The following DYSF variants were observed in gnomAD, a reference collection of about 807,000 sequenced individuals.
DYSF encodes the protein dysferlin.
DYSF carries 212 observed loss-of-function variants against 274.9 expected under a neutral mutation model. That is an observed-to-expected ratio of 0.77 (90% CI 0.69 to 0.86). The LOEUF is 0.86. Ranked by LOEUF, DYSF falls within the 40% of genes least tolerant of loss-of-function variation. The pLI is 0.00. For synonymous variants in DYSF, 1,091 were observed against 1,078.7 expected, an observed-to-expected ratio of 1.01 and a Z score of -0.22; for missense variants, 2,666 against 2,783.2, an observed-to-expected ratio of 0.96 and a Z score of 0.95.
intron 24 of DYSF, among the ~76,000 whole-genome samples, chr2:71,564,522 C>T (rs1355960339): frequency 2.0e-5 from 3 of 152,166 alleles, no homozygotes; most frequent in African/African-American, 7.2e-5. Flanking sequence ...GTTTGTCCTT[C>T]CAGGCAGGTC....
intron 29 of DYSF, among the ~76,000 whole-genome samples, chr2:71,572,316 G>T (rs993689926): frequency 1.9e-5 from 1 of 51,962 alleles, no homozygotes; most frequent in Non-Finnish European, 3.9e-5. Context: ...CCAGCACACA[G>T]AAATCACACC....
At chr2:71,575,645 G>C (rs76454671) in intron 30 of DYSF, among the ~76,000 whole-genome samples, 1,942 of 152,240 alleles carry the variant, frequency 0.013, 38 homozygotes, top group African/African-American at 0.044. Flanking sequence ...TGCGGCTCTA[G>C]CTGAGGGGTG....
chr2:71,642,296 G>A (rs187583115), intron 41 of DYSF, among the ~76,000 whole-genome samples: 4 of 152,310 alleles, frequency 2.6e-5, no homozygotes, highest in Admixed American at 6.5e-5. Flanking sequence ...CTGTGTGCCA[G>A]TATGTGCAGT....
At chr2:71,637,896 C>T (rs79397961) in intron 41 of DYSF, among the ~76,000 whole-genome samples, 3 of 152,042 alleles carry the variant, frequency 2.0e-5, no homozygotes, top group East Asian at 1.9e-4. Context: ...GGATGCAGGA[C>T]GAAAATGGGG....
intron 12 of DYSF, among the ~76,000 whole-genome samples, chr2:71,523,218 G>A (rs1025709105): frequency 6.6e-6 from 1 of 152,180 alleles, no homozygotes. Context: ...CACCATGTCT[G>A]TATTCCAGCC....
In DYSF at chr2:71,682,517, ATC is replaced by A. The variant is rs773214793; in HGVS notation, c.6174-10_6174-9del. ...AAAGGATGCCCAGTTGACCTCCGGG[ATC>A]TCGCTTCCAGGCGCCCCGACACCTC... On this transcript the variant is annotated splice_polypyrimidine_tract_variant and intron_variant, in intron 54 of 55. Coordinates refer to ENST00000410020, the MANE Select transcript of DYSF (RefSeq NM_001130987.2). 1 of 1,614,002 alleles carries A rather than the reference ATC, an allele frequency of 6.2e-7. No individual in the cohort carries two copies. The highest frequency in any genetic ancestry group is 1.1e-5 in the South Asian group (1 of 91,058).
intron 26 of DYSF, 25 bp downstream of exon 26, chr2:71,568,363 G>A (rs1198300725): frequency 1.9e-6 from 3 of 1,612,454 alleles, no homozygotes; most frequent in Non-Finnish European, 2.5e-6. Flanking sequence ...GGGAGGGCTG[G>A]GGAGAGCCAG....
intron 30 of DYSF, among the ~76,000 whole-genome samples, chr2:71,585,654 C>T (rs1024419810): frequency 2.0e-5 from 3 of 152,142 alleles, no homozygotes; most frequent in African/African-American, 7.2e-5. Context: ...TCCTCAAGGC[C>T]GACACAGTTG....
intron 51 of DYSF, among the ~76,000 whole-genome samples, chr2:71,672,916 G>A (rs529300356): frequency 9.8e-5 from 15 of 152,356 alleles, no homozygotes; most frequent in East Asian, 1.9e-4. Context: ...AGTCCAGGCC[G>A]TGGCTGGGTG....
chr2:71,632,431 C>T (rs1206003019), intron 41 of DYSF, among the ~76,000 whole-genome samples: 4 of 152,122 alleles, frequency 2.6e-5, no homozygotes, highest in Admixed American at 2.6e-4. Context: ...TAGGTTCCCC[C>T]CAAATCCTCT....
At chr2:71,612,597 C>G in intron 38 of DYSF, 44 bp from the exon 39 acceptor site, 2 of 1,609,222 alleles carry the variant, frequency 1.2e-6, no homozygotes, top group Non-Finnish European at 1.7e-6. Context: ...TGGAGACTTC[C>G]CAGAGGGGGA....
At position 71,513,721 on chromosome 2, in the gene DYSF, G is replaced by A. The variant is rs200970855; in HGVS notation, c.559G>A (p.Gly187Arg). 2.8e-4 allele frequency: 454 copies of A among 1,613,876 alleles called. 2 individuals carry two copies. Among genetic ancestry groups the A allele is most frequent in the Admixed American group, 2.0e-3 (120 of 60,024 alleles). The change falls in exon 7 of 56, where the codon GGA becomes AGA. Residue 187 changes from glycine (G) to arginine (R), a missense_variant. Coordinates refer to ENST00000410020, the MANE Select transcript of DYSF (RefSeq NM_001130987.2). ...TTAGGGCCCTCTCCTCTTAGACACA[G>A]GAGGAGAGGAAGACACAGAGGACCA... Reference protein sequence around the residue: ...GKKWPAPTDTGGEEDTEDQGL... With the variant: ...GKKWPAPTDTRGEEDTEDQGL...
At chr2:71,471,071 C>T (rs1324066136) in intron 1 of DYSF, among the ~76,000 whole-genome samples, 1 of 152,114 alleles carries the variant, frequency 6.6e-6, no homozygotes, top group Non-Finnish European at 1.5e-5. Flanking sequence ...GCTTGGATTA[C>T]AGGTGTCAGC....
intron 1 of DYSF, among the ~76,000 whole-genome samples, chr2:71,473,232 T>A (rs1043165967): frequency 6.6e-6 from 1 of 152,232 alleles, no homozygotes; most frequent in East Asian, 1.9e-4. Flanking sequence ...TGGGGGTGTC[T>A]GTACCAAGAG....
intron 17 of DYSF, among the ~76,000 whole-genome samples, chr2:71,549,644 G>A (rs1166795788): frequency 1.3e-5 from 2 of 151,708 alleles, no homozygotes; most frequent in East Asian, 3.9e-4. Flanking sequence ...ATAGGCTTGG[G>A]CTGATGCTCG....
chr2:71,492,064 A>G (rs1436800595), intron 3 of DYSF, among the ~76,000 whole-genome samples: 1 of 152,166 alleles, frequency 6.6e-6, no homozygotes, highest in East Asian at 1.9e-4. Context: ...GCCCGAAAGC[A>G]TTGACCATAT....
At chr2:71,639,113 C>T (rs2094450509) in intron 41 of DYSF, among the ~76,000 whole-genome samples, 1 of 152,122 alleles carries the variant, frequency 6.6e-6, no homozygotes. Flanking sequence ...TGCTATTGGC[C>T]ATTTGTATAT....
chr2:71,539,900 G>A (rs1379206051), intron 17 of DYSF, among the ~76,000 whole-genome samples: 4 of 152,260 alleles, frequency 2.6e-5, no homozygotes, highest in East Asian at 1.9e-4. Context: ...ACAATTTTAA[G>A]TGAATACACA....
chr2:71,471,219 T>A (rs2082011304), intron 1 of DYSF, among the ~76,000 whole-genome samples: 1 of 152,226 alleles, frequency 6.6e-6, no homozygotes, highest in South Asian at 2.1e-4. Flanking sequence ...GTTAACAATT[T>A]GACACATTTC....
Sources: allele counts gnomAD v4.1 joint callset (sites outside exome capture counted in the v4.1 genomes callset), GRCh38; gene constraint gnomAD v4.1.1; transcripts MANE v1.5; gene names NCBI Gene and HGNC (gene_info 2026-07-23, HGNC 2026-07-21).